The following PRXL2C variants were observed in gnomAD, a reference collection of about 807,000 sequenced individuals.
The protein encoded by PRXL2C is peroxiredoxin like 2C, also known as peroxiredoxin-like 2C.
PRXL2C carries 38 observed loss-of-function variants against 24.9 expected under a neutral mutation model. That is an observed-to-expected ratio of 1.53 (90% CI 1.18 to 2.00). PRXL2C has a LOEUF of 2.00. Among genes scored for constraint, PRXL2C ranks in the 30% most tolerant of loss-of-function variants. The probability of loss-of-function intolerance (pLI) is 0.00; values close to 1 mark genes in which losing one functional copy is unlikely to be tolerated. For synonymous variants in PRXL2C, 98 were observed against 117.2 expected (o/e 0.84, Z 1.06); for missense variants, 294 against 290.9 (o/e 1.01, Z -0.08).
chr9:96,654,991 C>T lies in PRXL2C; in HGVS notation c.192+99G>A, dbSNP rs1050635210. The stretch of plus-strand genomic sequence containing the variant: ...CGGCCGCGACTGGGCAGGCTGCCTT[C>T]CCGTTTCCGTCCTAAGAAGCAGGAG... On this transcript the variant is annotated intron_variant, in intron 1 of 5. Coordinates refer to ENST00000375234, the MANE Select transcript of PRXL2C (RefSeq NM_153698.2). 6.7e-6 allele frequency: 9 copies of T among 1,349,752 alleles called. No homozygotes were observed. The South Asian group carries it at 1.1e-4, about 17-fold the overall frequency. The allele number at this position is 1,349,752 out of a possible 1,614,324, so 83.6% of individuals were successfully genotyped here.
In PRXL2C at chr9:96,651,441, C is replaced by A; in HGVS notation, c.370G>T (p.Glu124Ter). ...SHEIYVDPER[E>*]IYKRLGMKRG... ...TTCATTCCCAATCTTTTATAAATTT[C>A]TCTCTCAGGATCGACATAGATTTCA... is the stretch of plus-strand genomic sequence containing the variant. Residue 124 changes from glutamate (E) to a stop codon, truncating the protein, a stop_gained, in exon 4 of 6, where the codon GAA (glutamate) becomes TAA (stop). Transcript: ENST00000375234. LOFTEE classifies it high-confidence loss of function. 6.2e-7 allele frequency: 1 copy of A among 1,613,476 alleles called. No homozygotes were observed. The highest frequency in any genetic ancestry group is 8.5e-7 in the Non-Finnish European group (1 of 1,179,846).
rs1421555162 is a variant in PRXL2C, at chr9:96,640,100, A to AT, written c.*1658_*1659insA. 2.6e-5 allele frequency: 4 copies of AT among 152,182 alleles called. No individual in the cohort carries two copies. Among genetic ancestry groups the AT allele is most frequent in the Admixed American group, 6.6e-5 (1 of 15,264 alleles). The allele number at this position is 152,182 out of a possible 1,614,324, so 9.4% of individuals were successfully genotyped here. Reference sequence around the variant, plus strand: ...AAGAGTGAAACTCCGTCTCAAAAAAAAAAAAAAAATTCTAGAAAAATGAAA... The same window carrying AT: ...AAGAGTGAAACTCCGTCTCAAAAAAATAAAAAAAAATTCTAGAAAAATGAAA... On this transcript the variant is annotated 3_prime_UTR_variant, in exon 6 of 6. Coordinates refer to ENST00000375234, the MANE Select transcript of PRXL2C (RefSeq NM_153698.2).
intron 2 of PRXL2C, among the ~76,000 whole-genome samples, chr9:96,654,073 C>T (rs917869760): frequency 5.3e-5 from 8 of 152,176 alleles, no homozygotes; most frequent in African/African-American, 1.9e-4. Context: ...ATCTCCTGAC[C>T]TCGTGATCCG....
At chr9:96,648,309 G>A (rs1219878241) in intron 4 of PRXL2C, among the ~76,000 whole-genome samples, 1 of 152,160 alleles carries the variant, frequency 6.6e-6, no homozygotes, top group Non-Finnish European at 1.5e-5. Flanking sequence ...TTGTTGTCAA[G>A]CACAATCTAG....
chr9:96,650,811 C>T (rs1397668772), intron 4 of PRXL2C, among the ~76,000 whole-genome samples: 2 of 150,472 alleles, frequency 1.3e-5, no homozygotes, highest in South Asian at 2.1e-4. Context: ...TCATCATGTG[C>T]GCACGCGTGC....
chr9:96,647,897 T>G (rs185065555), intron 4 of PRXL2C, among the ~76,000 whole-genome samples: 9 of 151,718 alleles, frequency 5.9e-5, no homozygotes, highest in Middle Eastern at 3.5e-3. Context: ...CTCTCCTTAT[T>G]TTTTAAAATG....
intron 2 of PRXL2C, among the ~76,000 whole-genome samples, 170 bp downstream of exon 2, chr9:96,654,535 G>T (rs1848321116): frequency 6.6e-6 from 1 of 152,216 alleles, no homozygotes; most frequent in South Asian, 2.1e-4. Context: ...AATGAGTTAG[G>T]GCAGAAATAG....
chr9:96,643,375 T>C (rs1048529727), intron 5 of PRXL2C, among the ~76,000 whole-genome samples: 1 of 152,182 alleles, frequency 6.6e-6, no homozygotes, highest in African/African-American at 2.4e-5. Context: ...GCCTCCCTAG[T>C]AGCTGGAACT....
Position 96,641,273 on chromosome 9 carries a change from G to A in PRXL2C, c.*486C>T, listed in dbSNP as rs999039263. ...AGATACCTACTGGCAACATTTTGGT[G>A]TTTATTTCCTGTCTTTTTCCAAAGC... On this transcript the variant is annotated 3_prime_UTR_variant, in exon 6 of 6. Transcript: ENST00000375234. The A allele has an allele frequency of 8.5e-5, 13 of 152,192 alleles. No homozygotes were observed. Among genetic ancestry groups the A allele is most frequent in the African/African-American group, 2.7e-4 (11 of 41,440 alleles). The allele number at this position is 152,192 out of a possible 1,614,324, so 9.4% of individuals were successfully genotyped here.
chr9:96,649,517 T>C, intron 4 of PRXL2C, among the ~76,000 whole-genome samples: 1 of 134,974 alleles, frequency 7.4e-6, no homozygotes, highest in East Asian at 2.0e-4. Context: ...TGAGCCGAGA[T>C]CACACCATCA....
At chr9:96,655,062 T>C (rs1442180139) in intron 1 of PRXL2C, 28 bp downstream of exon 1, 2 of 1,457,872 alleles carry the variant, frequency 1.4e-6, no homozygotes, top group Non-Finnish European at 1.8e-6. Flanking sequence ...TGGGCCGCGC[T>C]TCCCTTCCAG....
intron 4 of PRXL2C, 37 bp from the exon 5 acceptor site, chr9:96,646,061 T>C: frequency 6.4e-7 from 1 of 1,556,442 alleles, no homozygotes; most frequent in Non-Finnish European, 8.7e-7. Flanking sequence ...TGTCATTTTA[T>C]ATTCAATTTG....
In PRXL2C at chr9:96,655,175, T is replaced by C; in HGVS notation, c.107A>G (p.Glu36Gly). 3 of 1,228,176 alleles carry C rather than the reference T, an allele frequency of 2.4e-6. No homozygotes were observed. In the East Asian group the frequency reaches 1.0e-4, roughly 42 times the overall value. The allele number at this position is 1,228,176 out of a possible 1,614,324, so 76.1% of individuals were successfully genotyped here. Reference sequence around the variant, plus strand: ...CCCGCGGGCGTCCAGCACCGGCAGCTCGGCCACGGCGGCCGCCAGGGGCTG... The same window carrying C: ...CCCGCGGGCGTCCAGCACCGGCAGCCCGGCCACGGCGGCCGCCAGGGGCTG... ...SGQPLAAAVA[E>G]LPVLDARGQR... The change falls in exon 1 of 6, where the codon GAG becomes GGG. Residue 36 changes from glutamate (E) to glycine (G), a missense_variant. Glu to Gly is a moderately conservative substitution (Grantham distance 98). Transcript: ENST00000375234.
chr9:96,646,852 G>A (rs1427443848), intron 4 of PRXL2C, among the ~76,000 whole-genome samples: 5 of 152,080 alleles, frequency 3.3e-5, no homozygotes, highest in Admixed American at 6.6e-5. Context: ...GTGCAATGGC[G>A]CAATCTTGGC....
In PRXL2C at chr9:96,641,536, T is replaced by G. The variant is rs1365233608; in HGVS notation, c.*223A>C. 1 of 345,042 alleles carries G rather than the reference T, an allele frequency of 2.9e-6. No homozygotes were observed. Among genetic ancestry groups the G allele is most frequent in the East Asian group, 4.5e-5 (1 of 22,194 alleles). The allele number at this position is 345,042 out of a possible 1,614,324, so 21.4% of individuals were successfully genotyped here. A position where few individuals can be genotyped will look rare whatever the true frequency, so the allele number is the denominator to read the frequency against. ...TTATATTTTGTATATTCATTTTTTT[T>G]GTATAAAATGTTAAAAGTTATAAAA... On this transcript the variant is annotated 3_prime_UTR_variant, in exon 6 of 6. Transcript: ENST00000375234.
chr9:96,651,218 C>T (rs1848260679), intron 4 of PRXL2C, among the ~76,000 whole-genome samples, 172 bp downstream of exon 4: 1 of 151,956 alleles, frequency 6.6e-6, no homozygotes, highest in South Asian at 2.1e-4. Context: ...GTGGAGGTTG[C>T]AGTGAGCCGA....
chr9:96,652,844 T>G (rs1042359896), intron 2 of PRXL2C, among the ~76,000 whole-genome samples: 3 of 152,220 alleles, frequency 2.0e-5, no homozygotes, highest in African/African-American at 2.4e-5. Flanking sequence ...GTTGAAGAGA[T>G]ATCTGCACTC....
At chr9:96,647,235 G>C (rs1456080528) in intron 4 of PRXL2C, among the ~76,000 whole-genome samples, 3 of 152,036 alleles carry the variant, frequency 2.0e-5, no homozygotes, top group Non-Finnish European at 1.5e-5. Flanking sequence ...TATCACAGTG[G>C]CTAATACTTA....
intron 5 of PRXL2C, among the ~76,000 whole-genome samples, chr9:96,643,009 TACA>T (rs1848139985): frequency 6.6e-6 from 1 of 152,148 alleles, no homozygotes; most frequent in South Asian, 2.1e-4. Context: ...AATAGTACAG[TACA>T]ACAACTATTT....
Sources: allele counts gnomAD v4.1 joint callset (sites outside exome capture counted in the v4.1 genomes callset), GRCh38; gene constraint gnomAD v4.1.1; transcripts MANE v1.5; gene names NCBI Gene and HGNC (gene_info 2026-07-23, HGNC 2026-07-21).